HECW2: variants seen among roughly 807,000 people sequenced by gnomAD.
HECW2 encodes HECT, C2 and WW domain containing E3 ubiquitin protein ligase 2.
HECW2 carries 61 observed loss-of-function variants against 175.2 expected under a neutral mutation model. That is an observed-to-expected ratio of 0.35 (90% CI 0.28 to 0.43). The LOEUF (loss-of-function observed/expected upper bound fraction) is 0.43, where lower values mean the gene tolerates loss of function less well. Among genes scored for constraint, HECW2 ranks in the 20% least tolerant of loss-of-function variants. The probability of loss-of-function intolerance (pLI) is 1.00; values close to 1 mark genes in which losing one functional copy is unlikely to be tolerated. For synonymous variants in HECW2, 671 were observed against 731.0 expected (o/e 0.92, Z 1.32); for missense variants, 1,524 against 2,000.5 (o/e 0.76, Z 4.54).
chr2:196,346,234 A>G (rs1252676576), intron 2 of HECW2, among the ~76,000 whole-genome samples: 1 of 152,218 alleles, frequency 6.6e-6, no homozygotes, highest in Non-Finnish European at 1.5e-5. Flanking sequence ...CTCCCCAGGC[A>G]ATCAATTAAG....
intron 1 of HECW2, among the ~76,000 whole-genome samples, chr2:196,574,916 C>A (rs1219777272): frequency 2.5e-4 from 38 of 151,860 alleles, no homozygotes; most frequent in Non-Finnish European, 5.9e-5. Context: ...GCCAAGAACA[C>A]ATCACAGGGA....
chr2:196,524,896 A>C (rs1688573288), intron 1 of HECW2, among the ~76,000 whole-genome samples: 1 of 130,448 alleles, frequency 7.7e-6, no homozygotes, highest in Admixed American at 7.3e-5. Context: ...TTTACTTCCA[A>C]GTATGTGGTC....
At chr2:196,452,415 C>T (rs564107284) in intron 1 of HECW2, among the ~76,000 whole-genome samples, 1 of 152,266 alleles carries the variant, frequency 6.6e-6, no homozygotes, top group Non-Finnish European at 1.5e-5. Context: ...GGATAAACAA[C>T]TATACTCCCA....
intron 1 of HECW2, among the ~76,000 whole-genome samples, chr2:196,584,506 T>G (rs1690905900): frequency 6.6e-6 from 1 of 152,096 alleles, no homozygotes; most frequent in Non-Finnish European, 1.5e-5. Context: ...CCCATAATTC[T>G]AAATTGAATC....
intron 1 of HECW2, among the ~76,000 whole-genome samples, chr2:196,515,163 G>C (rs1688104437): frequency 6.6e-6 from 1 of 152,258 alleles, no homozygotes; most frequent in Non-Finnish European, 1.5e-5. Flanking sequence ...CTCGCACAGA[G>C]CCGGCACCTG....
At chr2:196,367,657 C>T (rs530843845) in intron 2 of HECW2, among the ~76,000 whole-genome samples, 39 of 152,220 alleles carry the variant, frequency 2.6e-4, no homozygotes, top group Admixed American at 2.6e-4. Flanking sequence ...CCTTCCCAGC[C>T]TCTGGTAACC....
chr2:196,215,789 A>C (rs1687455087), intron 28 of HECW2, 76 bp downstream of exon 28: 2 of 1,009,420 alleles, frequency 2.0e-6, no homozygotes, highest in Non-Finnish European at 3.0e-6. Flanking sequence ...TAAAAGCAGT[A>C]ATTAATCAAT....
rs137992183 is a variant in HECW2 at position 196,554,827 on chromosome 2, T to C, written c.-36+38681A>G. Among the ~76,000 whole-genome samples, 22 of 152,252 alleles carry C rather than the reference T, an allele frequency of 1.4e-4. 1 individual carries two copies. In the East Asian group the frequency reaches 3.3e-3, roughly 23 times the overall value. On this transcript the variant is annotated intron_variant, in intron 1 of 28. Coordinates refer to ENST00000644978, the MANE Select transcript of HECW2 (RefSeq NM_001348768.2). ...GCAGTAGGCTCTGCAGTGTGCAAAATTGTTGGCTTGCAAAATACTTATGTT... is the reference window on the plus strand; with the variant it reads ...GCAGTAGGCTCTGCAGTGTGCAAAACTGTTGGCTTGCAAAATACTTATGTT...
chr2:196,437,954 T>C (rs765497865), intron 1 of HECW2, among the ~76,000 whole-genome samples: 22 of 152,128 alleles, frequency 1.4e-4, no homozygotes, highest in Non-Finnish European at 2.9e-4. Flanking sequence ...CTCAAAAGGC[T>C]GGATGGCGAA....
rs74921370 is a variant in HECW2 at position 196,217,105 on chromosome 2, A to G, written c.4409-12T>C. On this transcript the variant is annotated splice_polypyrimidine_tract_variant and intron_variant, in intron 26 of 28. Transcript: ENST00000644978. ...ATTGTCATGGTATCCTATCAAACCA[A>G]TCATAAAAGCCCATGTTACTTTGAC... 309 of 1,595,542 alleles carry G rather than the reference A, an allele frequency of 1.9e-4. 2 individuals are homozygous for G. In the African/African-American group the frequency reaches 3.8e-3, roughly 20 times the overall value.
chr2:196,523,452 T>C (rs1221482695), intron 1 of HECW2, among the ~76,000 whole-genome samples: 3 of 151,686 alleles, frequency 2.0e-5, no homozygotes, highest in East Asian at 1.9e-4. Context: ...CTTTTCCTAA[T>C]TGAATACCCT....
chr2:196,457,403 A>G (rs1272698913), intron 1 of HECW2, among the ~76,000 whole-genome samples: 1 of 152,224 alleles, frequency 6.6e-6, no homozygotes, highest in African/African-American at 2.4e-5. Flanking sequence ...CCTGCCCACT[A>G]CATGGTACTG....
intron 1 of HECW2, among the ~76,000 whole-genome samples, chr2:196,491,576 A>G (rs1352012853): frequency 6.6e-6 from 1 of 151,390 alleles, no homozygotes; most frequent in East Asian, 1.9e-4. Context: ...TAATATATAC[A>G]CATAGATATG....
chr2:196,523,525 G>A (rs2125439191), intron 1 of HECW2, among the ~76,000 whole-genome samples: 1 of 149,070 alleles, frequency 6.7e-6, no homozygotes, highest in South Asian at 2.2e-4. Flanking sequence ...GAATAGGAGT[G>A]GTGAGAGAGG....
In HECW2 at chr2:196,283,103, A is replaced by G. The variant is rs564381120; in HGVS notation, c.3001-4441T>C. Reference sequence around the variant, plus strand: ...ATGAAACCTCGTCTCTACTAAAAATATACAAAAAGTTAGCTGGGCGTGGTG... The same window carrying G: ...ATGAAACCTCGTCTCTACTAAAAATGTACAAAAAGTTAGCTGGGCGTGGTG... On this transcript the variant is annotated intron_variant, in intron 14 of 28. Transcript: ENST00000644978. 1.7e-4 allele frequency among the ~76,000 whole-genome samples: 26 copies of G among 151,666 alleles called. No homozygotes were observed. In the South Asian group the frequency reaches 1.9e-3, roughly 11 times the overall value.
intron 15 of HECW2, among the ~76,000 whole-genome samples, chr2:196,277,756 G>C (rs1388283894): frequency 1.3e-5 from 2 of 152,046 alleles, no homozygotes; most frequent in Non-Finnish European, 2.9e-5. Context: ...ACTGGATTAA[G>C]AAAACGTGGC....
chr2:196,547,014 A>G (rs1315205168), intron 1 of HECW2, among the ~76,000 whole-genome samples: 1 of 152,140 alleles, frequency 6.6e-6, no homozygotes, highest in Non-Finnish European at 1.5e-5. Context: ...GTGACCTGAA[A>G]CTTCCTCTAC....
chr2:196,298,160 T>G (rs1459800872), intron 13 of HECW2, among the ~76,000 whole-genome samples: 1 of 152,216 alleles, frequency 6.6e-6, no homozygotes, highest in Non-Finnish European at 1.5e-5. Context: ...ATTATTCAGT[T>G]GAATATAATG....
intron 17 of HECW2, among the ~76,000 whole-genome samples, chr2:196,265,661 A>C (rs530564241): frequency 1.2e-4 from 18 of 152,236 alleles, no homozygotes; most frequent in Non-Finnish European, 1.8e-4. Context: ...AGAACAAAGA[A>C]GTGAAGGGCA....
Sources: gnomAD v4.1 joint callset for allele counts (sites outside exome capture counted in the v4.1 genomes callset) on GRCh38, gnomAD v4.1.1 for gene constraint, MANE v1.5 for transcripts, NCBI Gene and HGNC (gene_info 2026-07-23, HGNC 2026-07-21) for gene names.